Variants in SORL1 observed in about 807,000 individuals in gnomAD.
The protein encoded by SORL1 is sortilin-related receptor.
A neutral mutation model predicts 273.7 loss-of-function variants in SORL1; 127 were observed. The ratio of observed to expected loss-of-function variants is 0.46; its 90% CI spans 0.40 to 0.54. The LOEUF is 0.54. SORL1 is among the 20% of genes least tolerant of loss of function. The pLI, the probability that SORL1 is intolerant of heterozygous loss-of-function variation, is 0.00. For missense variants in SORL1, 2,494 were observed against 2,846.1 expected (o/e 0.88, Z 2.81); for synonymous variants, 1,031 against 1,067.4 (o/e 0.97, Z 0.66).
At chr11:121,513,812 C>G (rs936985845) in intron 7 of SORL1, among the ~76,000 whole-genome samples, 4 of 152,314 alleles carry the variant, frequency 2.6e-5, no homozygotes, top group Admixed American at 2.6e-4. Context: ...AAGGGAAGTG[C>G]ATTAACCCGT....
At chr11:121,604,963 G>T (rs909802221) in intron 33 of SORL1, 150 bp from the exon 34 acceptor site, 1 of 514,442 alleles carries the variant, frequency 1.9e-6, no homozygotes, top group Admixed American at 3.4e-5. Flanking sequence ...TAGAGACGGG[G>T]TTTAGCCACA....
At chr11:121,576,919 G>A in intron 24 of SORL1, 4 of 1,535,662 alleles carry the variant, frequency 2.6e-6, no homozygotes, top group Non-Finnish European at 3.5e-6. Flanking sequence ...TTTCTTGAAA[G>A]TTCTACTTCC....
At chr11:121,464,864 C>G (rs1050324891) in intron 1 of SORL1, among the ~76,000 whole-genome samples, 1 of 152,124 alleles carries the variant, frequency 6.6e-6, no homozygotes, top group East Asian at 1.9e-4. Context: ...CAGCCTGCCT[C>G]CTGTATGACT....
chr11:121,514,298 G>A lies in SORL1; in HGVS notation c.1188G>A (p.Gly396=), dbSNP rs1452085515. 2 of 1,613,868 alleles carry A rather than the reference G, an allele frequency of 1.2e-6. No individual in the cohort carries two copies. The highest frequency in any genetic ancestry group is 1.1e-5 in the South Asian group (1 of 91,052). The change falls in exon 8 of 48, where the codon GGG becomes GGA. Residue 396 remains glycine, a synonymous_variant. Transcript: ENST00000260197. ...LENVLYYSPG[G]AGSDTLVRYF... ...ACGTGCTCTATTACAGCCCAGGAGG[G>A]GCCGGCAGTGACACCTTGGTGAGGT... is the stretch of plus-strand genomic sequence containing the variant.
At position 121,465,682 on chromosome 11, in the gene SORL1, C is replaced by T. The variant is rs191929926; in HGVS notation, c.286-4325C>T. On this transcript the variant is annotated intron_variant, in intron 1 of 47. Coordinates refer to ENST00000260197, the MANE Select transcript of SORL1 (RefSeq NM_003105.6). ...AGCTGGGACTACAGGCACGTGCCAC[C>T]GTGCCTGGCTAATTTTTTGTATTTT... is the stretch of plus-strand genomic sequence containing the variant. 1.5e-3 allele frequency among the ~76,000 whole-genome samples: 234 copies of T among 152,298 alleles called. 1 individual carries two copies. The highest frequency in any genetic ancestry group is 5.2e-3 in the African/African-American group (218 of 41,562).
chr11:121,495,627 A>AT (rs1232461215), intron 5 of SORL1, among the ~76,000 whole-genome samples: 27 of 151,848 alleles, frequency 1.8e-4, no homozygotes, highest in Non-Finnish European at 3.7e-4. Context: ...TTTACCATTT[A>AT]TTTTTTCCAT....
Position 121,486,669 on chromosome 11 carries a change from T to C in SORL1, c.529-1363T>C, listed in dbSNP as rs566516501. Reference sequence around the variant, plus strand: ...TAATTTTTCGTATTTTTAGTAGAGATGGGTTTTCACCCTGTTAGCCAGGAT... The same window carrying C: ...TAATTTTTCGTATTTTTAGTAGAGACGGGTTTTCACCCTGTTAGCCAGGAT... On this transcript the variant is annotated intron_variant, in intron 3 of 47. Coordinates refer to ENST00000260197, the MANE Select transcript of SORL1 (RefSeq NM_003105.6). Among the ~76,000 whole-genome samples, 703 of 152,024 alleles carry C rather than the reference T, an allele frequency of 4.6e-3. 6 individuals are homozygous for C. The highest frequency in any genetic ancestry group is 0.016 in the African/African-American group (672 of 41,462).
intron 11 of SORL1, among the ~76,000 whole-genome samples, chr11:121,531,162 G>A (rs192212415): frequency 1.2e-3 from 176 of 152,308 alleles, no homozygotes; most frequent in African/African-American, 3.8e-3. Context: ...GGAGGCCGAG[G>A]CAGGTGGAAG....
At chr11:121,513,958 G>A (rs1861915223) in intron 7 of SORL1, among the ~76,000 whole-genome samples, 194 bp from the exon 8 acceptor site, 1 of 152,218 alleles carries the variant, frequency 6.6e-6, no homozygotes, top group African/African-American at 2.4e-5. Flanking sequence ...GGCCCGCTAA[G>A]CTGCAGATCT....
At chr11:121,617,124 C>T (rs982960195) in intron 41 of SORL1, among the ~76,000 whole-genome samples, 3 of 152,182 alleles carry the variant, frequency 2.0e-5, no homozygotes, top group African/African-American at 7.2e-5. Flanking sequence ...CTTTTAGTGG[C>T]TGCCTTTAGG....
intron 26 of SORL1, among the ~76,000 whole-genome samples, chr11:121,584,259 T>C (rs543175308): frequency 2.0e-5 from 3 of 152,372 alleles, no homozygotes; most frequent in Non-Finnish European, 4.4e-5. Context: ...AATGTGTCTC[T>C]ACCAGTAAAA....
chr11:121,537,973 A>T (rs1027476715), intron 12 of SORL1, among the ~76,000 whole-genome samples: 1 of 152,134 alleles, frequency 6.6e-6, no homozygotes, highest in South Asian at 2.1e-4. Context: ...TATTCTATAG[A>T]TCCTCAATCT....
At chr11:121,566,305 T>C (rs1179727584) in intron 21 of SORL1, among the ~76,000 whole-genome samples, 1 of 152,196 alleles carries the variant, frequency 6.6e-6, no homozygotes, top group Non-Finnish European at 1.5e-5. Context: ...AATGTTCAAC[T>C]ATATTATAGC....
At chr11:121,598,996 T>C (rs1191462298) in intron 32 of SORL1, among the ~76,000 whole-genome samples, 1 of 152,214 alleles carries the variant, frequency 6.6e-6, no homozygotes, top group African/African-American at 2.4e-5. Context: ...AATTCTTCAA[T>C]TTCCAAGGTA....
chr11:121,592,151 C>T (rs1171336568), intron 31 of SORL1, among the ~76,000 whole-genome samples: 10 of 152,232 alleles, frequency 6.6e-5, no homozygotes, highest in Admixed American at 5.2e-4. Context: ...CCTGCCTGTG[C>T]ACCTGCAGCA....
rs1236453671 is a variant in SORL1 at position 121,605,123 on chromosome 11, T to A, written c.4662T>A (p.Thr1554=). The change falls in exon 34 of 48, where the codon ACT becomes ACA. Residue 1554 remains threonine, a synonymous_variant. Transcript: ENST00000260197. The part of the protein sequence containing the change: ...SDEKACSDEL[T]VYKVQNLQWT... ...CCTTTATCTCTCTAGATGAGTTGAC[T>A]GTGTACAAAGTACAGAATCTTCAGT... 1 of 1,611,132 alleles carries A rather than the reference T, an allele frequency of 6.2e-7. No individual in the cohort carries two copies. Among genetic ancestry groups the A allele is most frequent in the South Asian group, 1.1e-5 (1 of 90,478 alleles).
At chr11:121,453,457 C>T (rs1170269475) in intron 1 of SORL1, among the ~76,000 whole-genome samples, 3 of 151,930 alleles carry the variant, frequency 2.0e-5, no homozygotes, top group Non-Finnish European at 4.4e-5. Flanking sequence ...TTAATTTGAC[C>T]GTGTTATTGC....
chr11:121,545,525 A>G (rs1247911097), intron 14 of SORL1, 96 bp downstream of exon 14: 13 of 1,138,840 alleles, frequency 1.1e-5, no homozygotes, highest in African/African-American at 1.5e-5. Flanking sequence ...CCCTGAGCAA[A>G]GGAAGGGAAT....
chr11:121,555,292 G>C lies in SORL1; in HGVS notation c.2545G>C (p.Val849Leu), dbSNP rs764967625. ...FEPLSQLLYW[V>L]DAGFKKIEVA... ...ACCCCTCAGCCAGCTGCTTTACTGG[G>C]TAGATGCAGGCTTCAAAAAGATTGA... Residue 849 changes from valine (V) to leucine (L), a missense_variant, in exon 18 of 48, where the codon GTA becomes CTA. This residue lies in a region of SORL1 where 1,609 missense variants were observed against 1,816.4 expected (regional missense o/e 0.89). Coordinates refer to ENST00000260197, the MANE Select transcript of SORL1 (RefSeq NM_003105.6). The C allele has an allele frequency of 5.6e-6, 9 of 1,613,998 alleles. No individual in the cohort carries two copies. The highest frequency in any genetic ancestry group is 7.6e-6 in the Non-Finnish European group (9 of 1,179,876).
Sources: allele counts gnomAD v4.1 joint callset (sites outside exome capture counted in the v4.1 genomes callset), GRCh38; gene constraint gnomAD v4.1.1; regional missense constraint gnomAD v4.1.1; transcripts MANE v1.5; gene names NCBI Gene and HGNC (gene_info 2026-07-23, HGNC 2026-07-21).